The following TTC28 variants were observed in gnomAD, a reference collection of about 807,000 sequenced individuals.
TTC28 encodes tetratricopeptide repeat protein 28.
Under a neutral mutation model 198.0 loss-of-function variants are expected in TTC28, and 61 were observed. That is an observed-to-expected ratio of 0.31 (90% CI 0.25 to 0.38). The LOEUF (loss-of-function observed/expected upper bound fraction) is 0.38. TTC28 is among the 10% of genes least tolerant of loss of function. The pLI is 1.00. For missense variants in TTC28, 2,678 were observed against 3,164.0 expected, an observed-to-expected ratio of 0.85 and a Z score of 3.69; for synonymous variants, 1,171 against 1,297.8, an observed-to-expected ratio of 0.90 and a Z score of 2.10.
intron 13 of TTC28, among the ~76,000 whole-genome samples, chr22:28,028,284 C>T (rs1316835120): frequency 3.3e-5 from 5 of 152,210 alleles, no homozygotes; most frequent in Non-Finnish European, 5.9e-5. Flanking sequence ...CAGGGCTGGG[C>T]ACAATACTCA....
At chr22:27,993,070 G>C in intron 18 of TTC28, 1 of 592,098 alleles carries the variant, frequency 1.7e-6, no homozygotes, top group Non-Finnish European at 2.9e-6. Context: ...GTGGGGCGCA[G>C]ATGCCTGCCA....
Position 27,990,224 on chromosome 22 carries a change from G to A in TTC28, c.5578-217C>T, listed in dbSNP as rs554766039. Reference sequence around the variant, plus strand: ...GGGGCATTGGGGCAAGAGGCTGTGTGGCCTCCTGGGGCCGGGGCCGGGTTC... The same window carrying A: ...GGGGCATTGGGGCAAGAGGCTGTGTAGCCTCCTGGGGCCGGGGCCGGGTTC... On this transcript the variant is annotated intron_variant, in intron 20 of 22. Coordinates refer to ENST00000397906, the MANE Select transcript of TTC28 (RefSeq NM_001145418.2). The A allele has an allele frequency of 1.1e-4, 60 of 569,090 alleles. No individual in the cohort carries two copies. The African/African-American group carries it at 1.1e-3, about 10-fold the overall frequency. The allele number at this position is 569,090 out of a possible 1,614,324, so 35.3% of individuals were successfully genotyped here.
intron 2 of TTC28, among the ~76,000 whole-genome samples, chr22:28,603,721 T>C (rs992105643): frequency 2.6e-5 from 4 of 152,154 alleles, no homozygotes; most frequent in Non-Finnish European, 2.9e-5. Context: ...AATATGATTA[T>C]GTAAAAACAA....
chr22:28,164,014 G>C (rs555563299), intron 5 of TTC28, among the ~76,000 whole-genome samples: 2 of 152,368 alleles, frequency 1.3e-5, no homozygotes, highest in Admixed American at 1.3e-4. Context: ...ACCTGGCTCA[G>C]AGGGTCCTAT....
intron 4 of TTC28, among the ~76,000 whole-genome samples, chr22:28,296,998 A>G (rs1007386617): frequency 6.6e-6 from 1 of 152,198 alleles, no homozygotes; most frequent in African/African-American, 2.4e-5. Context: ...ATCCTAATGA[A>G]GGAAAAAATT....
At chr22:28,240,446 A>T (rs572231460) in intron 5 of TTC28, among the ~76,000 whole-genome samples, 2 of 152,340 alleles carry the variant, frequency 1.3e-5, no homozygotes, top group South Asian at 4.1e-4. Flanking sequence ...CTACAGATAT[A>T]TGTATATAAA....
intron 2 of TTC28, among the ~76,000 whole-genome samples, chr22:28,560,955 C>T (rs2049863690): frequency 6.6e-6 from 1 of 151,692 alleles, no homozygotes; most frequent in East Asian, 1.9e-4. Flanking sequence ...TAGGGTTTCA[C>T]CATGTTGGCC....
At chr22:28,429,196 C>T (rs959098297) in intron 2 of TTC28, among the ~76,000 whole-genome samples, 1 of 152,180 alleles carries the variant, frequency 6.6e-6, no homozygotes. Flanking sequence ...GGGCTACACA[C>T]TTCCAAATCA....
chr22:28,299,605 C>A (rs746331586), intron 3 of TTC28, among the ~76,000 whole-genome samples: 5 of 152,140 alleles, frequency 3.3e-5, no homozygotes, highest in Non-Finnish European at 7.3e-5. Context: ...ATACTGTGAG[C>A]AGAATTTTGG....
At position 28,545,300 on chromosome 22, in the gene TTC28, T is replaced by A. The variant is rs897130776; in HGVS notation, c.381+84252A>T. ...AACTAATAGAAGTGGCTGGATGAGG[T>A]GGTTTACACCTATAATCCTAGCAAT... On this transcript the variant is annotated intron_variant, in intron 2 of 22. Coordinates refer to ENST00000397906, the MANE Select transcript of TTC28 (RefSeq NM_001145418.2). 2.0e-5 allele frequency among the ~76,000 whole-genome samples: 3 copies of A among 152,150 alleles called. 1 individual carries two copies. The South Asian group carries it at 6.2e-4, about 32-fold the overall frequency.
At chr22:28,385,538 T>C (rs186269330) in intron 2 of TTC28, among the ~76,000 whole-genome samples, 4 of 152,066 alleles carry the variant, frequency 2.6e-5, no homozygotes, top group Admixed American at 1.3e-4. Flanking sequence ...ACACTTATAA[T>C]ACCTACTTTT....
At chr22:28,082,487 C>A (rs1368079004) in intron 12 of TTC28, among the ~76,000 whole-genome samples, 5 of 152,174 alleles carry the variant, frequency 3.3e-5, no homozygotes, top group African/African-American at 1.2e-4. Flanking sequence ...AAATGCTTTT[C>A]TGCATCAACT....
intron 2 of TTC28, among the ~76,000 whole-genome samples, chr22:28,447,617 C>T (rs963772400): frequency 6.6e-6 from 1 of 152,296 alleles, no homozygotes; most frequent in East Asian, 1.9e-4. Context: ...GCATACCACA[C>T]ATGGCCTGTA....
At chr22:28,243,450 T>G (rs904595984) in intron 5 of TTC28, among the ~76,000 whole-genome samples, 2 of 151,920 alleles carry the variant, frequency 1.3e-5, no homozygotes, top group African/African-American at 4.8e-5. Context: ...TCTGTGTGTT[T>G]TTATTTGTAT....
At chr22:28,149,056 G>A (rs779261715) in intron 6 of TTC28, among the ~76,000 whole-genome samples, 2 of 152,144 alleles carry the variant, frequency 1.3e-5, no homozygotes, top group African/African-American at 2.4e-5. Flanking sequence ...GTCATTGTAC[G>A]AACATCATCG....
At position 27,982,947 on chromosome 22, in the gene TTC28, G is replaced by A. The variant is rs1243772822; in HGVS notation, c.6720C>T (p.Ser2240=). ...ATCCGGAACTCACCTTGGGCAGGGA[G>A]GAGCTCCTGGCTGGGGGCTTTGGTT... ...TVKPKPPARS[S]SLPKVSSGYS... The change falls in exon 23 of 23, where the codon TCC becomes TCT. Residue 2240 remains serine, a synonymous_variant. Transcript: ENST00000397906. This position sits in a 1 kb window ranked among gnomAD's most constrained non-coding sequence, Gnocchi z 5.2. 2 of 1,551,602 alleles carry A rather than the reference G, an allele frequency of 1.3e-6. No homozygotes were observed. Among genetic ancestry groups the A allele is most frequent in the East Asian group, 4.9e-5 (2 of 40,924 alleles).
intron 5 of TTC28, among the ~76,000 whole-genome samples, chr22:28,235,306 C>T (rs1258620826): frequency 6.6e-6 from 1 of 152,186 alleles, no homozygotes; most frequent in Admixed American, 6.5e-5. Context: ...CTGTTGCCTT[C>T]CCTCAACTCC....
intron 2 of TTC28, among the ~76,000 whole-genome samples, chr22:28,484,259 T>C (rs1181892691): frequency 6.6e-6 from 1 of 152,026 alleles, no homozygotes; most frequent in Non-Finnish European, 1.5e-5. Flanking sequence ...AGGCACATGC[T>C]ACCATGCCAG....
intron 2 of TTC28, among the ~76,000 whole-genome samples, chr22:28,451,621 T>G (rs2047778915): frequency 6.6e-6 from 1 of 152,216 alleles, no homozygotes; most frequent in Admixed American, 6.5e-5. Context: ...TCATTATACA[T>G]TAGTTCACTA....
Sources: allele counts gnomAD v4.1 joint callset (sites outside exome capture counted in the v4.1 genomes callset), GRCh38; gene constraint gnomAD v4.1.1; non-coding constraint Gnocchi (gnomAD v3.1); transcripts MANE v1.5; gene names NCBI Gene and HGNC (gene_info 2026-07-23, HGNC 2026-07-21).